The following CCNJL variants were observed in gnomAD, a reference collection of about 807,000 sequenced individuals.
CCNJL encodes the protein cyclin-J-like protein.
Under a neutral mutation model 33.4 loss-of-function variants are expected in CCNJL, and 33 were observed. That is an observed-to-expected ratio of 0.99 (90% confidence interval 0.75 to 1.32). The LOEUF is 1.32. Among genes scored for constraint, CCNJL ranks in the 40% most tolerant of loss-of-function variants. The pLI, the probability that CCNJL is intolerant of heterozygous loss-of-function variation, is 0.00. For synonymous variants in CCNJL, 227 were observed against 220.9 expected (o/e 1.03, Z -0.24); for missense variants, 512 against 499.7 (o/e 1.02, Z -0.23).
At chr5:160,334,173 A>G (rs1763654650) in intron 1 of CCNJL, among the ~76,000 whole-genome samples, 1 of 152,068 alleles carries the variant, frequency 6.6e-6, no homozygotes, top group Non-Finnish European at 1.5e-5. Flanking sequence ...TCCTCCATCC[A>G]TTGATCCCTC....
At chr5:160,313,876 T>G (rs188437818), upstream of CCNJL, among the ~76,000 whole-genome samples, 4 of 152,150 alleles carry the variant, frequency 2.6e-5, no homozygotes, top group African/African-American at 7.2e-5. Flanking sequence ...ATTTTAAAAA[T>G]GGGGGGATGG....
In CCNJL at chr5:160,280,511, A is replaced by G. The variant is rs1225881351; in HGVS notation, c.280+14T>C. On this transcript the variant is annotated intron_variant, in intron 3 of 5. Coordinates refer to ENST00000257536, the MANE Select transcript of CCNJL (RefSeq NM_001308173.3). ...ACCGCACAAGCGCGGAGGAAGACGT[A>G]GGTTTTCGCTTACTTGCAAGCAGGA... is the stretch of plus-strand genomic sequence containing the variant. The G allele has an allele frequency of 1.0e-5, 16 of 1,606,226 alleles. No individual in the cohort carries two copies. Among genetic ancestry groups the G allele is most frequent in the Non-Finnish European group, 1.3e-5 (15 of 1,176,218 alleles).
At chr5:160,315,417 G>C (rs1763370500), upstream of CCNJL, 1 of 443,220 alleles carries the variant, frequency 2.3e-6, no homozygotes, top group African/African-American at 2.1e-5. Flanking sequence ...TGAAATAGAA[G>C]AATCACTTGA....
At chr5:160,295,487 CAAATAAAT>C (rs764931270) in intron 2 of CCNJL, among the ~76,000 whole-genome samples, 2 of 151,754 alleles carry the variant, frequency 1.3e-5, no homozygotes, top group African/African-American at 4.8e-5. Flanking sequence ...GACTCTGTCT[CAAATAAAT>C]AAATAAATAA....
At chr5:160,270,983 G>A (rs758270556) in intron 3 of CCNJL, among the ~76,000 whole-genome samples, 13 of 152,062 alleles carry the variant, frequency 8.5e-5, no homozygotes, top group Non-Finnish European at 1.8e-4. Flanking sequence ...TCACTATGTC[G>A]GTGACAAAGA....
intron 1 of CCNJL, among the ~76,000 whole-genome samples, chr5:160,333,875 C>T (rs559232000): frequency 6.6e-6 from 1 of 152,278 alleles, no homozygotes; most frequent in Non-Finnish European, 1.5e-5. Context: ...TGAGTTGGTG[C>T]CTTGCTGTTG....
In CCNJL at chr5:160,280,528, C is replaced by A. The variant is rs1389990966; in HGVS notation, c.277G>T (p.Ala93Ser). The A allele has an allele frequency of 1.2e-6, 2 of 1,611,986 alleles. No homozygotes were observed. The highest frequency in any genetic ancestry group is 1.7e-6 in the Non-Finnish European group (2 of 1,179,798). Residue 93 changes from alanine (A) to serine (S), a missense_variant, in exon 3 of 6, where the codon GCA (alanine) becomes TCA (serine). By Grantham distance (99) the Ala-to-Ser change is moderately conservative. Transcript: ENST00000257536. ...GAAGACGTAGGTTTTCGCTTACTTG[C>A]AAGCAGGAGGCAGGAGACGGCCACG... ...YTVAVSCLLL[A>S]SKFEDREDHV...
chr5:160,291,054 A>G (rs1580992873), intron 2 of CCNJL, among the ~76,000 whole-genome samples: 4 of 149,658 alleles, frequency 2.7e-5, no homozygotes, highest in East Asian at 1.9e-4. Flanking sequence ...AAAAAAAAAA[A>G]AAAAAAAGAA....
At chr5:160,295,286 C>G (rs376418293) in intron 2 of CCNJL, among the ~76,000 whole-genome samples, 1 of 152,130 alleles carries the variant, frequency 6.6e-6, no homozygotes, top group Non-Finnish European at 1.5e-5. Flanking sequence ...GTCAAGAGAT[C>G]GAGACCATCC....
Position 160,256,407 on chromosome 5 carries a change from A to G in CCNJL, c.584-699T>C, listed in dbSNP as rs115514130. On this transcript the variant is annotated intron_variant, in intron 4 of 5. Coordinates refer to ENST00000257536, the MANE Select transcript of CCNJL (RefSeq NM_001308173.3). ...TTAATTGTAACAATGCCTGGCCCATAGTAGGCACTCAGTGAAAATCTACTG... is the reference window on the plus strand; with the variant it reads ...TTAATTGTAACAATGCCTGGCCCATGGTAGGCACTCAGTGAAAATCTACTG... 1.2e-3 allele frequency among the ~76,000 whole-genome samples: 189 copies of G among 152,350 alleles called. 1 individual carries two copies. The highest frequency in any genetic ancestry group is 2.3e-3 in the Non-Finnish European group (157 of 68,038).
At chr5:160,285,233 C>T (rs1344709053) in intron 2 of CCNJL, among the ~76,000 whole-genome samples, 1 of 152,194 alleles carries the variant, frequency 6.6e-6, no homozygotes, top group African/African-American at 2.4e-5. Context: ...TTAGCCCCAG[C>T]TTAACTTCTT....
intron 3 of CCNJL, among the ~76,000 whole-genome samples, chr5:160,264,185 C>A (rs10051044): frequency 0.073 from 11,032 of 152,156 alleles, 591 homozygotes; most frequent in South Asian, 0.19. Context: ...CCGGCCTCCC[C>A]AAGTGTTGGG....
At chr5:160,260,972 G>A (rs1171170701) in intron 3 of CCNJL, 1 of 152,344 alleles carries the variant, frequency 6.6e-6, no homozygotes, top group East Asian at 1.9e-4. Context: ...CTCATGGGGT[G>A]TGGAGCTGCC....
At chr5:160,305,252 A>G (rs944634989) in intron 2 of CCNJL, among the ~76,000 whole-genome samples, 1 of 152,206 alleles carries the variant, frequency 6.6e-6, no homozygotes, top group African/African-American at 2.4e-5. Flanking sequence ...GGAGTCACTA[A>G]AAAAATAATG....
At chr5:160,265,407 G>A (rs1761534380) in intron 3 of CCNJL, among the ~76,000 whole-genome samples, 1 of 152,186 alleles carries the variant, frequency 6.6e-6, no homozygotes, top group South Asian at 2.1e-4. Flanking sequence ...GGAGACCGAA[G>A]CAGGCGGATC....
At position 160,311,867 on chromosome 5, in the gene CCNJL, C is replaced by A; in HGVS notation, c.57G>T (p.Leu19=). Residue 19 remains leucine, a synonymous_variant, in exon 2 of 6, where the codon CTG becomes CTT. Coordinates refer to ENST00000257536, the MANE Select transcript of CCNJL (RefSeq NM_001308173.3). The part of the protein sequence containing the change: ...GRVASDVHCT[L]REKELKLPTF... ...GCAGGGAGGGACTGACCTTCTCGCG[C>A]AGGGTGCAGTGGACGTCCGAGGCGA... 1 of 1,614,126 alleles carries A rather than the reference C, an allele frequency of 6.2e-7. No homozygotes were observed. Among genetic ancestry groups the A allele is most frequent in the Non-Finnish European group, 8.5e-7 (1 of 1,179,956 alleles).
At chr5:160,271,459 T>G (rs1761831463) in intron 3 of CCNJL, among the ~76,000 whole-genome samples, 1 of 152,188 alleles carries the variant, frequency 6.6e-6, no homozygotes, top group Admixed American at 6.5e-5. Context: ...TTGAACAATT[T>G]AAGAGCTTCC....
intron 2 of CCNJL, among the ~76,000 whole-genome samples, chr5:160,288,680 C>T (rs951910231): frequency 2.0e-5 from 3 of 151,796 alleles, no homozygotes; most frequent in African/African-American, 4.8e-5. Context: ...ACCATCCTGG[C>T]GAACATGGTG....
chr5:160,283,631 T>A (rs1461749615), intron 2 of CCNJL, among the ~76,000 whole-genome samples: 9 of 152,234 alleles, frequency 5.9e-5, no homozygotes, highest in Non-Finnish European at 1.2e-4. Flanking sequence ...ACAAACAATC[T>A]AATCACACTC....
Sources: allele counts gnomAD v4.1 joint callset (sites outside exome capture counted in the v4.1 genomes callset), GRCh38; gene constraint gnomAD v4.1.1; transcripts MANE v1.5; gene names NCBI Gene and HGNC (gene_info 2026-07-23, HGNC 2026-07-21).